SEMA5A: variants seen among roughly 807,000 people sequenced by gnomAD.
The protein encoded by SEMA5A is semaphorin 5A.
A neutral mutation model predicts 135.5 loss-of-function variants in SEMA5A; 55 were observed. The observed-to-expected ratio is 0.41, with a 90% CI of 0.33 to 0.51. The LOEUF (loss-of-function observed/expected upper bound fraction) is 0.51. Ranked by LOEUF, SEMA5A falls within the 20% of genes least tolerant of loss-of-function variation. The pLI is 0.37. For synonymous variants in SEMA5A, 580 were observed against 546.5 expected (o/e 1.06, Z -0.85); for missense variants, 1,290 against 1,419.9 (o/e 0.91, Z 1.47).
intron 1 of SEMA5A, among the ~76,000 whole-genome samples, chr5:9,543,739 T>G (rs1738219734): frequency 6.6e-6 from 1 of 152,060 alleles, no homozygotes; most frequent in African/African-American, 2.4e-5. Flanking sequence ...ATGAGCAAGC[T>G]TCTATCTCCA....
At chr5:9,228,202 C>T (rs1008625604) in intron 6 of SEMA5A, among the ~76,000 whole-genome samples, 2 of 152,112 alleles carry the variant, frequency 1.3e-5, no homozygotes, top group Admixed American at 6.5e-5. Context: ...TAGCATATTA[C>T]GTAGCTCCAA....
chr5:9,206,931 G>A (rs1417408351), intron 8 of SEMA5A, among the ~76,000 whole-genome samples: 1 of 147,076 alleles, frequency 6.8e-6, no homozygotes, highest in Non-Finnish European at 1.5e-5. Context: ...ATAAATGGTG[G>A]CTATTATTAT....
intron 16 of SEMA5A, among the ~76,000 whole-genome samples, chr5:9,083,662 T>C (rs1281683117): frequency 6.6e-6 from 1 of 152,112 alleles, no homozygotes; most frequent in Non-Finnish European, 1.5e-5. Flanking sequence ...GGAACATCTA[T>C]ACCATGTGCA....
chr5:9,178,457 G>A (rs1744326937), intron 11 of SEMA5A, among the ~76,000 whole-genome samples: 4 of 150,756 alleles, frequency 2.7e-5, no homozygotes, highest in Non-Finnish European at 4.4e-5. Flanking sequence ...TCAGCTTCCT[G>A]AGTATCTCGG....
intron 2 of SEMA5A, among the ~76,000 whole-genome samples, chr5:9,426,280 C>T (rs977255452): frequency 6.6e-6 from 1 of 151,762 alleles, no homozygotes; most frequent in Admixed American, 6.6e-5. Flanking sequence ...AAAAAATTAG[C>T]CTGGCGCGGT....
chr5:9,049,960 C>A (rs1269619667), intron 21 of SEMA5A, among the ~76,000 whole-genome samples: 1 of 152,132 alleles, frequency 6.6e-6, no homozygotes, highest in Non-Finnish European at 1.5e-5. Context: ...AAGCTAGCTG[C>A]CATGGATTTG....
Position 9,483,269 on chromosome 5 carries a change from T to A in SEMA5A, c.-174-45417A>T, listed in dbSNP as rs150685759. ...CTTTCCAAGTATCTCTATATATCTCTTTCTCAACTTCTTTCCCCTTACCCC... is the reference window on the plus strand; with the variant it reads ...CTTTCCAAGTATCTCTATATATCTCATTCTCAACTTCTTTCCCCTTACCCC... On this transcript the variant is annotated intron_variant, in intron 1 of 22. Transcript: ENST00000382496. 5.0e-3 allele frequency among the ~76,000 whole-genome samples: 765 copies of A among 152,292 alleles called. 3 individuals carry two copies. The highest frequency in any genetic ancestry group is 7.8e-3 in the Non-Finnish European group (529 of 68,026).
At chr5:9,212,045 T>A (rs918655296) in intron 8 of SEMA5A, among the ~76,000 whole-genome samples, 1 of 152,218 alleles carries the variant, frequency 6.6e-6, no homozygotes, top group African/African-American at 2.4e-5. Context: ...TGAGTGTTAA[T>A]AAGGCTACGT....
chr5:9,134,229 T>C (rs1741604235), intron 13 of SEMA5A, among the ~76,000 whole-genome samples: 1 of 152,140 alleles, frequency 6.6e-6, no homozygotes, highest in South Asian at 2.1e-4. Context: ...CACCACAGCC[T>C]CAAACTCTTA....
rs532336984 is a variant in SEMA5A, at chr5:9,271,422, C to T, written c.271-33532G>A. Among the ~76,000 whole-genome samples, 3 of 152,170 alleles carry T rather than the reference C, an allele frequency of 2.0e-5. No individual in the cohort carries two copies. The South Asian group carries it at 6.2e-4, about 32-fold the overall frequency. ...GAGTGAGGTACGGCTATAAACATAA[C>T]TGAAAATGTGAAAGCGACTTTGGAA... On this transcript the variant is annotated intron_variant, in intron 5 of 22. Transcript: ENST00000382496.
At chr5:9,277,924 G>A (rs184620620) in intron 5 of SEMA5A, among the ~76,000 whole-genome samples, 1 of 152,148 alleles carries the variant, frequency 6.6e-6, no homozygotes, top group African/African-American at 2.4e-5. Context: ...AGACTTGCAT[G>A]TTCCGCACAT....
At chr5:9,527,011 C>A (rs190917105) in intron 1 of SEMA5A, among the ~76,000 whole-genome samples, 22 of 152,224 alleles carry the variant, frequency 1.4e-4, no homozygotes, top group South Asian at 1.2e-3. Flanking sequence ...GGTTGTATGG[C>A]AAACTCCACC....
At chr5:9,498,196 G>C (rs1028909697) in intron 1 of SEMA5A, among the ~76,000 whole-genome samples, 1 of 152,164 alleles carries the variant, frequency 6.6e-6, no homozygotes, top group Non-Finnish European at 1.5e-5. Flanking sequence ...CTGATGCAGA[G>C]CCACACCTCC....
chr5:9,158,990 T>C (rs1455716399), intron 11 of SEMA5A, among the ~76,000 whole-genome samples: 1 of 152,234 alleles, frequency 6.6e-6, no homozygotes, highest in Non-Finnish European at 1.5e-5. Context: ...AGTATTAGTA[T>C]GCACTATTCA....
chr5:9,506,506 A>C (rs1735887270), intron 1 of SEMA5A, among the ~76,000 whole-genome samples: 1 of 152,228 alleles, frequency 6.6e-6, no homozygotes, highest in Admixed American at 6.5e-5. Context: ...TTTAAAGCGG[A>C]GGCCATGCTT....
intron 16 of SEMA5A, among the ~76,000 whole-genome samples, chr5:9,082,757 G>A (rs1413317167): frequency 6.6e-6 from 1 of 152,140 alleles, no homozygotes; most frequent in Non-Finnish European, 1.5e-5. Context: ...GACCACAAAA[G>A]CATCAGGGAT....
chr5:9,157,856 T>A (rs867308890), intron 11 of SEMA5A, among the ~76,000 whole-genome samples: 3 of 152,214 alleles, frequency 2.0e-5, no homozygotes, highest in Non-Finnish European at 4.4e-5. Context: ...CCCCATAGAT[T>A]TCTATTTGAC....
intron 8 of SEMA5A, among the ~76,000 whole-genome samples, chr5:9,214,794 A>G (rs1485907163): frequency 2.6e-5 from 4 of 152,198 alleles, no homozygotes; most frequent in East Asian, 3.9e-4. Flanking sequence ...CATTTCTGCC[A>G]TCCTTCCCTG....
chr5:9,312,338 G>A (rs540964099), intron 5 of SEMA5A, among the ~76,000 whole-genome samples: 112 of 133,204 alleles, frequency 8.4e-4, no homozygotes, highest in African/African-American at 2.9e-3. Context: ...AGCATGCAGT[G>A]AGTTGCAAAA....
Sources: allele counts gnomAD v4.1 joint callset (sites outside exome capture counted in the v4.1 genomes callset), GRCh38; gene constraint gnomAD v4.1.1; transcripts MANE v1.5; gene names NCBI Gene and HGNC (gene_info 2026-07-23, HGNC 2026-07-21).